MYO3A: variants seen among roughly 807,000 people sequenced by gnomAD.
MYO3A encodes myosin IIIA.
A neutral mutation model predicts 192.7 loss-of-function variants in MYO3A; 180 were observed. The observed-to-expected ratio is 0.93, with a 90% CI of 0.83 to 1.06. The LOEUF is 1.06. Ranked by LOEUF, MYO3A falls within the 50% of genes least tolerant of loss-of-function variation. MYO3A has a pLI of 0.00. For missense variants in MYO3A, 1,896 were observed against 1,905.0 expected, an observed-to-expected ratio of 1.00 and a Z score of 0.09; for synonymous variants, 628 against 645.3, an observed-to-expected ratio of 0.97 and a Z score of 0.41.
Position 26,096,680 on chromosome 10 carries a change from G to A in MYO3A, c.1774G>A (p.Glu592Lys). 2 of 1,555,822 alleles carry A rather than the reference G, an allele frequency of 1.3e-6. No homozygotes were observed. Among genetic ancestry groups the A allele is most frequent in the Non-Finnish European group, 1.8e-6 (2 of 1,127,176 alleles). ...TTTCAAAGTCATAGGTTTTACAATG[G>A]AGGTAAGTATGAAAGACACTTGAAC... ...QCFKVIGFTM[E>K]QLGSIYSILA... The change falls in exon 17 of 35, where the codon GAG (glutamate) becomes AAG (lysine). Residue 592 changes from glutamate (E) to lysine (K), a missense_variant and splice_region_variant. By Grantham distance (56) the Glu-to-Lys change is moderately conservative. Transcript: ENST00000642920.
intron 20 of MYO3A, among the ~76,000 whole-genome samples, chr10:26,132,859 A>G (rs1318324589): frequency 6.6e-6 from 1 of 152,198 alleles, no homozygotes; most frequent in African/African-American, 2.4e-5. Context: ...TCTTGCAGAA[A>G]GTAATGTGTA....
intron 10 of MYO3A, among the ~76,000 whole-genome samples, chr10:26,038,767 G>A (rs77217355): frequency 0.061 from 9,260 of 152,162 alleles, 362 homozygotes; most frequent in Non-Finnish European, 0.088. Flanking sequence ...CAATCTTAGA[G>A]GAAAGGCTTT....
intron 14 of MYO3A, among the ~76,000 whole-genome samples, chr10:26,082,116 T>A (rs1348101709): frequency 6.6e-6 from 1 of 152,214 alleles, no homozygotes; most frequent in African/African-American, 2.4e-5. Context: ...GGATTGTTTT[T>A]TTCTGTTTCT....
At chr10:26,016,469 A>G (rs1039694886) in intron 6 of MYO3A, among the ~76,000 whole-genome samples, 2 of 152,220 alleles carry the variant, frequency 1.3e-5, no homozygotes, top group South Asian at 2.1e-4. Context: ...ACGCCATTCA[A>G]ATAACAATTA....
chr10:26,102,903 G>A (rs1837557413), intron 17 of MYO3A, among the ~76,000 whole-genome samples: 1 of 152,138 alleles, frequency 6.6e-6, no homozygotes, highest in African/African-American at 2.4e-5. Context: ...CTCCGTGCTG[G>A]GAGAACCACT....
intron 6 of MYO3A, among the ~76,000 whole-genome samples, chr10:26,001,387 G>C (rs575746686): frequency 5.9e-4 from 75 of 126,228 alleles, no homozygotes; most frequent in African/African-American, 2.8e-3. Context: ...TAAGGGGGGT[G>C]GGTGTACAGT....
chr10:26,177,355 C>T (rs74474055), intron 31 of MYO3A, among the ~76,000 whole-genome samples: 11,226 of 152,242 alleles, frequency 0.074, 462 homozygotes, highest in Non-Finnish European at 0.089. Context: ...CTCCCCAGAG[C>T]TGTGCAAAGG....
At chr10:26,012,915 A>G (rs769342584) in intron 6 of MYO3A, among the ~76,000 whole-genome samples, 2 of 152,238 alleles carry the variant, frequency 1.3e-5, no homozygotes, top group African/African-American at 4.8e-5. Context: ...TGGTACAGGT[A>G]TAAAAGTAGG....
At chr10:26,192,236 G>T (rs1407460543) in intron 31 of MYO3A, among the ~76,000 whole-genome samples, 1 of 152,182 alleles carries the variant, frequency 6.6e-6, no homozygotes, top group East Asian at 1.9e-4. Context: ...AACAGAAAGA[G>T]TAGGAAAAGA....
At chr10:26,197,171 T>C (rs989234377) in intron 32 of MYO3A, among the ~76,000 whole-genome samples, 2 of 152,140 alleles carry the variant, frequency 1.3e-5, no homozygotes, top group Non-Finnish European at 2.9e-5. Context: ...CAGTCTCAAA[T>C]CCATCTCCCT....
At chr10:26,089,952 G>A (rs1836594882) in intron 15 of MYO3A, among the ~76,000 whole-genome samples, 1 of 152,100 alleles carries the variant, frequency 6.6e-6, no homozygotes, top group South Asian at 2.1e-4. Context: ...ACAGTACCTG[G>A]GATATTGAAG....
Position 26,103,821 on chromosome 10 carries a change from G to T in MYO3A, c.1776+7139G>T, listed in dbSNP as rs959548393. On this transcript the variant is annotated intron_variant, in intron 17 of 34. Coordinates refer to ENST00000642920, the MANE Select transcript of MYO3A (RefSeq NM_017433.5). Reference sequence around the variant, plus strand: ...ACATTCCCACCAGCACTGTCTGAAGGTTCCAATTTCTGCATGTCTTCGTCA... The same window carrying T: ...ACATTCCCACCAGCACTGTCTGAAGTTTCCAATTTCTGCATGTCTTCGTCA... Among the ~76,000 whole-genome samples the T allele has an allele frequency of 4.6e-5, 7 of 152,230 alleles. No individual in the cohort carries two copies. The East Asian group carries it at 1.4e-3, about 29-fold the overall frequency.
At chr10:26,198,900 T>G (rs11815755) in intron 32 of MYO3A, among the ~76,000 whole-genome samples, 17,880 of 152,254 alleles carry the variant, frequency 0.12, 1,116 homozygotes, top group African/African-American at 0.14. Context: ...AAATTTCAAG[T>G]TTTTAATTTG....
At chr10:26,068,978 C>T (rs1457510920) in intron 12 of MYO3A, 94 bp downstream of exon 12, 2 of 862,300 alleles carry the variant, frequency 2.3e-6, no homozygotes, top group African/African-American at 1.7e-5. Context: ...AAATTTTATC[C>T]AGTATTTTGA....
intron 6 of MYO3A, among the ~76,000 whole-genome samples, chr10:26,000,964 G>GGA (rs778700647): frequency 4.6e-5 from 7 of 152,096 alleles, no homozygotes; most frequent in Non-Finnish European, 1.0e-4. Context: ...TATGGTGGCT[G>GGA]GAGAGAGAGA....
intron 2 of MYO3A, among the ~76,000 whole-genome samples, chr10:25,937,792 C>A (rs1462008026): frequency 6.6e-6 from 1 of 152,130 alleles, no homozygotes; most frequent in Non-Finnish European, 1.5e-5. Context: ...TTCCTCTTTG[C>A]AAAACATTTT....
At chr10:26,180,891 A>G (rs942880196) in intron 31 of MYO3A, among the ~76,000 whole-genome samples, 1 of 152,254 alleles carries the variant, frequency 6.6e-6, no homozygotes, top group African/African-American at 2.4e-5. Flanking sequence ...CAAAATCTCT[A>G]TGAGATTTTC....
intron 4 of MYO3A, among the ~76,000 whole-genome samples, chr10:25,960,917 T>G (rs1169896479): frequency 6.6e-6 from 1 of 152,144 alleles, no homozygotes; most frequent in Admixed American, 6.6e-5. Context: ...TTTAGCAAAA[T>G]CACATATAAA....
intron 10 of MYO3A, among the ~76,000 whole-genome samples, chr10:26,051,435 C>T (rs780405470): frequency 1.3e-5 from 2 of 151,624 alleles, no homozygotes; most frequent in Non-Finnish European, 2.9e-5. Flanking sequence ...AAATACTAAT[C>T]GTTGCTACTG....
Sources: allele counts gnomAD v4.1 joint callset (sites outside exome capture counted in the v4.1 genomes callset), GRCh38; gene constraint gnomAD v4.1.1; transcripts MANE v1.5; gene names NCBI Gene and HGNC (gene_info 2026-07-23, HGNC 2026-07-21).